PDE1A: variants seen among roughly 807,000 people sequenced by gnomAD.
PDE1A encodes the protein dual specificity calcium/calmodulin-dependent 3',5'-cyclic nucleotide phosphodiesterase 1A.
In PDE1A, 35 loss-of-function variants were observed where a neutral mutation model predicts 61.7. The ratio of observed to expected loss-of-function variants is 0.57; its 90% CI spans 0.43 to 0.75. The LOEUF is 0.75. Among genes scored for constraint, PDE1A ranks in the 30% least tolerant of loss-of-function variants. The pLI is 0.00. For missense variants in PDE1A, 597 were observed against 630.6 expected (o/e 0.95, Z 0.57); for synonymous variants, 232 against 213.2 (o/e 1.09, Z -0.77).
At chr2:182,620,769 C>T in the PDE1A span, among the ~76,000 whole-genome samples, 1 of 152,300 alleles carries the variant, frequency 6.6e-6, no homozygotes, top group Middle Eastern at 3.4e-3. Flanking sequence ...ATTTTAAGCA[C>T]CATTTCACCA....
chr2:182,219,234 T>C (rs1688513385), intron 7 of PDE1A, among the ~76,000 whole-genome samples: 1 of 152,164 alleles, frequency 6.6e-6, no homozygotes, highest in Non-Finnish European at 1.5e-5. Flanking sequence ...ATTTTTAAAA[T>C]GATGAATACA....
chr2:182,658,014 C>A, the PDE1A span, among the ~76,000 whole-genome samples: 58 of 128,014 alleles, frequency 4.5e-4, 2 homozygotes, highest in South Asian at 0.011. Context: ...ATGTGTGTAT[C>A]GCATAGTACC....
rs190440261 is a variant in PDE1A at position 182,392,540 on chromosome 2, A to G, written c.53+34038T>C. On this transcript the variant is annotated intron_variant, in intron 1 of 13. Transcript: ENST00000351439. ...TCCAAACCAATCATGCCTTCCCAACAGTCCCCCAAGGTTTTAACTCATTTC... is the reference window on the plus strand; with the variant it reads ...TCCAAACCAATCATGCCTTCCCAACGGTCCCCCAAGGTTTTAACTCATTTC... Among the ~76,000 whole-genome samples the G allele has an allele frequency of 3.3e-3, 508 of 152,288 alleles. 1 individual carries two copies. Among genetic ancestry groups the G allele is most frequent in the African/African-American group, 0.011 (476 of 41,566 alleles).
chr2:182,222,013 T>G (rs1378457580), intron 7 of PDE1A, among the ~76,000 whole-genome samples: 1 of 151,902 alleles, frequency 6.6e-6, no homozygotes, highest in Non-Finnish European at 1.5e-5. Context: ...AAACAATAAC[T>G]CCCACATCTG....
At chr2:182,713,755 T>C in the PDE1A span, among the ~76,000 whole-genome samples, 1 of 152,238 alleles carries the variant, frequency 6.6e-6, no homozygotes, top group African/African-American at 2.4e-5. Flanking sequence ...CTTATGAACT[T>C]GCTCAAGCCT....
chr2:182,345,160 C>G (rs1242333026), intron 1 of PDE1A, among the ~76,000 whole-genome samples: 1 of 152,142 alleles, frequency 6.6e-6, no homozygotes, highest in Non-Finnish European at 1.5e-5. Context: ...TAGCCTAAAG[C>G]TCTCTATCCC....
intron 8 of PDE1A, among the ~76,000 whole-genome samples, chr2:182,202,636 A>T (rs764089458): frequency 5.3e-4 from 80 of 152,088 alleles, no homozygotes; most frequent in Admixed American, 2.0e-3. Context: ...CATCATAAGA[A>T]CCCCAGAGAA....
intron 2 of PDE1A, among the ~76,000 whole-genome samples, chr2:182,458,826 A>G (rs1251448219): frequency 2.6e-5 from 4 of 152,266 alleles, no homozygotes; most frequent in African/African-American, 9.6e-5. Context: ...TTAAGCCATC[A>G]TAAATTCCCA....
At chr2:182,470,765 C>A in intron 2 of PDE1A, among the ~76,000 whole-genome samples, 1 of 151,818 alleles carries the variant, frequency 6.6e-6, no homozygotes. Context: ...GTACTATATA[C>A]GAACACAGTC....
At chr2:182,498,662 A>C (rs901775113) in intron 2 of PDE1A, among the ~76,000 whole-genome samples, 2 of 152,098 alleles carry the variant, frequency 1.3e-5, no homozygotes, top group African/African-American at 4.8e-5. Flanking sequence ...AATTACCCTA[A>C]GGCCGGGCGC....
At chr2:182,156,821 G>A (rs1186150920) in intron 13 of PDE1A, among the ~76,000 whole-genome samples, 1 of 151,872 alleles carries the variant, frequency 6.6e-6, no homozygotes, top group Admixed American at 6.6e-5. Context: ...ATACTATAAA[G>A]GAGAAATAAT....
At chr2:182,196,908 G>A (rs1392643216) in intron 10 of PDE1A, among the ~76,000 whole-genome samples, 2 of 151,368 alleles carry the variant, frequency 1.3e-5, no homozygotes, top group Admixed American at 1.3e-4. Flanking sequence ...CATTTGGTGG[G>A]CATAAATACT....
intron 1 of PDE1A, among the ~76,000 whole-genome samples, chr2:182,294,534 C>T (rs143279615): frequency 1.7e-4 from 26 of 152,200 alleles, no homozygotes; most frequent in Non-Finnish European, 2.1e-4. Flanking sequence ...ATTGACAATG[C>T]TGCTCACACA....
At chr2:182,453,082 A>C (rs1294750844) in intron 2 of PDE1A, among the ~76,000 whole-genome samples, 1 of 152,136 alleles carries the variant, frequency 6.6e-6, no homozygotes, top group Non-Finnish European at 1.5e-5. Context: ...CATTACTGAG[A>C]CTATTTTTTC....
At chr2:182,519,087 C>A (rs1037598089) in intron 2 of PDE1A, among the ~76,000 whole-genome samples, 1 of 152,036 alleles carries the variant, frequency 6.6e-6, no homozygotes, top group Non-Finnish European at 1.5e-5. Flanking sequence ...AACCAACTTT[C>A]CACATGGAAA....
At chr2:182,317,098 C>A (rs928943627) in intron 1 of PDE1A, among the ~76,000 whole-genome samples, 3 of 152,156 alleles carry the variant, frequency 2.0e-5, no homozygotes, top group African/African-American at 7.2e-5. Context: ...TCTTAATGCA[C>A]ACACTTAAGT....
chr2:182,600,946 T>C, the PDE1A span, among the ~76,000 whole-genome samples: 9 of 152,224 alleles, frequency 5.9e-5, no homozygotes, highest in African/African-American at 2.4e-5. Flanking sequence ...TTTCAGAACT[T>C]TGTGGCTGCT....
intron 13 of PDE1A, among the ~76,000 whole-genome samples, chr2:182,171,528 G>A (rs750264691): frequency 2.6e-5 from 4 of 151,786 alleles, no homozygotes; most frequent in African/African-American, 4.8e-5. Flanking sequence ...CAAGAGGAAC[G>A]GAAGCCTATA....
At chr2:182,366,794 C>T (rs189597008) in intron 1 of PDE1A, among the ~76,000 whole-genome samples, 2 of 152,098 alleles carry the variant, frequency 1.3e-5, no homozygotes, top group East Asian at 3.9e-4. Flanking sequence ...CATTAATGTT[C>T]AATTGTGAAA....
Sources: gnomAD v4.1 joint callset for allele counts (sites outside exome capture counted in the v4.1 genomes callset) on GRCh38, gnomAD v4.1.1 for gene constraint, MANE v1.5 for transcripts, NCBI Gene and HGNC (gene_info 2026-07-23, HGNC 2026-07-21) for gene names.